CCDC88C: variants seen among roughly 807,000 people sequenced by gnomAD.
The protein encoded by CCDC88C is coiled-coil and HOOK domain protein 88C.
CCDC88C carries 131 observed loss-of-function variants against 198.8 expected under a neutral mutation model. The observed-to-expected ratio is 0.66, with a 90% CI of 0.57 to 0.76. CCDC88C has a LOEUF of 0.76. CCDC88C is among the 30% of genes least tolerant of loss of function. The pLI is 0.00. For synonymous variants in CCDC88C, 1,166 were observed against 1,114.7 expected (o/e 1.05, Z -0.92); for missense variants, 2,553 against 2,631.6 (o/e 0.97, Z 0.65).
Position 91,288,335 on chromosome 14 carries a change from G to A in CCDC88C, c.4441+770C>T, listed in dbSNP as rs147574692. Among the ~76,000 whole-genome samples, 143 of 152,270 alleles carry A rather than the reference G, an allele frequency of 9.4e-4. No individual in the cohort carries two copies. Among genetic ancestry groups the A allele is most frequent in the African/African-American group, 3.3e-3 (137 of 41,556 alleles). On this transcript the variant is annotated intron_variant, in intron 25 of 29. Coordinates refer to ENST00000389857, the MANE Select transcript of CCDC88C (RefSeq NM_001080414.4). The surrounding 1 kb of genome is among the most constrained non-coding windows in gnomAD (Gnocchi z 4.2). ...GCACAGTGTGTCCTGTGGCTGGTGG[G>A]ACACAAGGCCAGATCAGGCTGAAGA...
chr14:91,299,312 T>C (rs1891168549), intron 21 of CCDC88C, among the ~76,000 whole-genome samples: 1 of 152,178 alleles, frequency 6.6e-6, no homozygotes, highest in East Asian at 1.9e-4. Flanking sequence ...GTACTACAAT[T>C]GTGGGTCATT....
At chr14:91,328,387 C>G (rs1296139824) in intron 10 of CCDC88C, among the ~76,000 whole-genome samples, 1 of 152,214 alleles carries the variant, frequency 6.6e-6, no homozygotes, top group East Asian at 1.9e-4. Context: ...CCAGGGCTCC[C>G]CCGGGCACCT....
At chr14:91,278,634 C>G (rs562913960) in intron 28 of CCDC88C, among the ~76,000 whole-genome samples, 1 of 152,250 alleles carries the variant, frequency 6.6e-6, no homozygotes, top group East Asian at 1.9e-4. Context: ...TGTTCTGTGG[C>G]CACAGTAGAA....
chr14:91,335,574 C>A (rs968772278), intron 10 of CCDC88C, among the ~76,000 whole-genome samples: 1 of 152,174 alleles, frequency 6.6e-6, no homozygotes, highest in Non-Finnish European at 1.5e-5. Flanking sequence ...TCCTCTGTGA[C>A]CCCCAGCACA....
chr14:91,284,364 CAGTT>C lies in CCDC88C; in HGVS notation c.4442-851_4442-848del, dbSNP rs1034125805. Reference sequence around the variant, plus strand: ...CCACTCAAAGTCTGGGCTCACTGTGCAGTTTTAAGTGCCCAGAGCTGATGATTTG... The same window carrying C: ...CCACTCAAAGTCTGGGCTCACTGTGCTTAAGTGCCCAGAGCTGATGATTTG... On this transcript the variant is annotated intron_variant, in intron 25 of 29. Coordinates refer to ENST00000389857, the MANE Select transcript of CCDC88C (RefSeq NM_001080414.4). The surrounding 1 kb of genome is among the most constrained non-coding windows in gnomAD (Gnocchi z 4.1). Among the ~76,000 whole-genome samples the C allele has an allele frequency of 6.6e-6, 1 of 152,180 alleles. No individual in the cohort carries two copies. The highest frequency in any genetic ancestry group is 1.5e-5 in the Non-Finnish European group (1 of 68,038).
chr14:91,345,930 CAA>C (rs556896901), intron 4 of CCDC88C, among the ~76,000 whole-genome samples: 5 of 138,796 alleles, frequency 3.6e-5, no homozygotes, highest in African/African-American at 1.3e-4. Flanking sequence ...CTTTCAGGTT[CAA>C]AAAAAAAAAA....
rs562577348 is a variant in CCDC88C at position 91,375,813 on chromosome 14, G to A, written c.271-16102C>T. Among the ~76,000 whole-genome samples the A allele has an allele frequency of 1.5e-4, 23 of 152,230 alleles. No homozygotes were observed. In the East Asian group the frequency reaches 3.9e-3, roughly 25 times the overall value. The stretch of plus-strand genomic sequence containing the variant: ...TGCGAGGCTCCTCAGGGCGAGTGGG[G>A]GGCAAATGTCTCCTTCTGATCTGAC... On this transcript the variant is annotated intron_variant, in intron 3 of 29. Transcript: ENST00000389857.
At chr14:91,312,249 C>T (rs866299249) in intron 15 of CCDC88C, among the ~76,000 whole-genome samples, 16 of 151,484 alleles carry the variant, frequency 1.1e-4, no homozygotes, top group Admixed American at 3.9e-4. Flanking sequence ...ATTAGCGAGG[C>T]GTGATGGTGC....
At chr14:91,370,681 G>A (rs148713557) in intron 3 of CCDC88C, among the ~76,000 whole-genome samples, 4 of 152,202 alleles carry the variant, frequency 2.6e-5, no homozygotes, top group African/African-American at 7.2e-5. Context: ...CTTTAGGAAC[G>A]ACCTGCTGCA....
chr14:91,297,099 G>A (rs778340047), intron 22 of CCDC88C, among the ~76,000 whole-genome samples: 9 of 152,216 alleles, frequency 5.9e-5, no homozygotes, highest in Non-Finnish European at 1.2e-4. Flanking sequence ...GGTCAGACAG[G>A]GGTGTTTTCG....
rs535433930 is a variant in CCDC88C at position 91,415,013 on chromosome 14, A to G, written c.161+1725T>C. Among the ~76,000 whole-genome samples, 30 of 152,350 alleles carry G rather than the reference A, an allele frequency of 2.0e-4. 1 individual carries two copies. The East Asian group carries it at 5.4e-3, about 27-fold the overall frequency. On this transcript the variant is annotated intron_variant, in intron 2 of 29. Transcript: ENST00000389857. The stretch of plus-strand genomic sequence containing the variant: ...AGGAATTCCAAAGGTCAGGGAAGAA[A>G]GAGAAACAGTCCCAGTGCTTTTGTT...
chr14:91,315,925 G>T, intron 13 of CCDC88C, 138 bp from the exon 14 acceptor site: 1 of 812,408 alleles, frequency 1.2e-6, no homozygotes, highest in Non-Finnish European at 1.9e-6. Context: ...ACATCATTCT[G>T]TAGCAACTCC....
At chr14:91,328,203 G>T (rs1892658178) in intron 10 of CCDC88C, among the ~76,000 whole-genome samples, 1 of 152,228 alleles carries the variant, frequency 6.6e-6, no homozygotes, top group Non-Finnish European at 1.5e-5. Flanking sequence ...AGTGGGAGAT[G>T]GCATGGAACA....
intron 10 of CCDC88C, among the ~76,000 whole-genome samples, chr14:91,331,686 T>C (rs1390121220): frequency 6.6e-6 from 1 of 152,198 alleles, no homozygotes; most frequent in Non-Finnish European, 1.5e-5. Flanking sequence ...CCCCACCTCC[T>C]TGGGGCAGCT....
chr14:91,318,265 A>C (rs931798747), intron 13 of CCDC88C, among the ~76,000 whole-genome samples: 1 of 151,978 alleles, frequency 6.6e-6, no homozygotes, highest in Non-Finnish European at 1.5e-5. Context: ...AAAAAAAAAA[A>C]ATTAGCTGGG....
rs61743881 is a variant in CCDC88C, at chr14:91,313,360, T to C, written c.2456A>G (p.Asp819Gly). ...CACCTCCTGCTCCAGGGCCTTCCTGTCCTTCTCGGCCCCCTCCAACTGTGC... is the reference window on the plus strand; with the variant it reads ...CACCTCCTGCTCCAGGGCCTTCCTGCCCTTCTCGGCCCCCTCCAACTGTGC... ...ANAQLEGAEK[D>G]RKALEQEVAQ... is the part of the protein sequence containing the mutation. The change falls in exon 15 of 30, where the codon GAC (aspartate) becomes GGC (glycine). Residue 819 changes from aspartate (D) to glycine (G), a missense_variant. Coordinates refer to ENST00000389857, the MANE Select transcript of CCDC88C (RefSeq NM_001080414.4). The surrounding 1 kb of genome is among the most constrained non-coding windows in gnomAD (Gnocchi z 5.2). The C allele has an allele frequency of 1.4e-3, 2,208 of 1,611,430 alleles. 3 individuals carry two copies. The highest frequency in any genetic ancestry group is 2.2e-3 in the Admixed American group (132 of 60,022).
Position 91,314,068 on chromosome 14 carries a change from G to T in CCDC88C, c.1748C>A (p.Ala583Asp). The T allele has an allele frequency of 1.9e-6, 3 of 1,613,864 alleles. No individual in the cohort carries two copies. The highest frequency in any genetic ancestry group is 2.5e-6 in the Non-Finnish European group (3 of 1,179,862). Reference sequence around the variant, plus strand: ...CTCCTTCTCCACGTCTTTCATGCGGGCCTCACTGCTGACCTGCGACCTCTC... The same window carrying T: ...CTCCTTCTCCACGTCTTTCATGCGGTCCTCACTGCTGACCTGCGACCTCTC... ...LRERSQVSSE[A>D]RMKDVEKENK... The change falls in exon 15 of 30, where the codon GCC becomes GAC. Residue 583 changes from alanine to aspartate, a missense_variant. Ala to Asp is a moderately radical substitution (Grantham distance 126). Coordinates refer to ENST00000389857, the MANE Select transcript of CCDC88C (RefSeq NM_001080414.4).
chr14:91,356,762 G>A lies in CCDC88C; in HGVS notation c.340+2880C>T, dbSNP rs1285807. ...CTGTTTGGCAGCAGACCTGAGATGC[G>A]GACCTATGTTCTCTGCCCATGGACA... is the stretch of plus-strand genomic sequence containing the variant. On this transcript the variant is annotated intron_variant, in intron 4 of 29. Transcript: ENST00000389857. 7.1e-3 allele frequency among the ~76,000 whole-genome samples: 1,077 copies of A among 152,192 alleles called. 22 individuals carry two copies. Among genetic ancestry groups the A allele is most frequent in the East Asian group, 0.021 (110 of 5,180 alleles).
rs1890201798 is a variant in CCDC88C, at chr14:91,281,599, C to T, written c.4631-74G>A. Reference sequence around the variant, plus strand: ...TCCACAGGGAACCCCGCCACCTCGCCTGGCACCCGGATCCCAGTAGCTCCA... The same window carrying T: ...TCCACAGGGAACCCCGCCACCTCGCTTGGCACCCGGATCCCAGTAGCTCCA... On this transcript the variant is annotated intron_variant, in intron 26 of 29. Transcript: ENST00000389857. 3 of 1,346,682 alleles carry T rather than the reference C, an allele frequency of 2.2e-6. No individual in the cohort carries two copies. In the African/African-American group the frequency reaches 4.3e-5, roughly 19 times the overall value. The allele number at this position is 1,346,682 out of a possible 1,614,324, so 83.4% of individuals were successfully genotyped here.
Sources: allele counts gnomAD v4.1 joint callset (sites outside exome capture counted in the v4.1 genomes callset), GRCh38; gene constraint gnomAD v4.1.1; non-coding constraint Gnocchi (gnomAD v3.1); transcripts MANE v1.5; gene names NCBI Gene and HGNC (gene_info 2026-07-23, HGNC 2026-07-21).